TRIM55: variants seen among roughly 807,000 people sequenced by gnomAD.
TRIM55 encodes tripartite motif containing 55.
TRIM55 carries 50 observed loss-of-function variants against 60.9 expected under a neutral mutation model. The ratio of observed to expected loss-of-function variants is 0.82; its 90% CI spans 0.65 to 1.04. The LOEUF is 1.04. TRIM55 is among the 50% of genes least tolerant of loss of function. TRIM55 has a pLI of 0.00. For synonymous variants in TRIM55, 237 were observed against 238.1 expected (o/e 1.00, Z 0.04); for missense variants, 681 against 666.9 (o/e 1.02, Z -0.23).
chr8:66,164,276 G>T (rs1291573033), intron 9 of TRIM55, among the ~76,000 whole-genome samples: 1 of 152,188 alleles, frequency 6.6e-6, no homozygotes, highest in Non-Finnish European at 1.5e-5. Context: ...GCACAACAAA[G>T]ACTGGGACGG....
At chr8:66,150,025 A>G (rs1295130032) in intron 5 of TRIM55, 147 bp downstream of exon 5, 7 of 925,194 alleles carry the variant, frequency 7.6e-6, no homozygotes, top group Admixed American at 2.8e-5. Context: ...ATATTAATCT[A>G]TTTAAACAAC....
At chr8:66,163,166 A>T (rs1420221787) in intron 9 of TRIM55, among the ~76,000 whole-genome samples, 1 of 152,162 alleles carries the variant, frequency 6.6e-6, no homozygotes, top group Non-Finnish European at 1.5e-5. Context: ...AAATAAGTCA[A>T]TGTAGTCTCC....
intron 9 of TRIM55, among the ~76,000 whole-genome samples, chr8:66,172,886 T>C (rs1811721733): frequency 6.6e-6 from 1 of 152,244 alleles, no homozygotes. Flanking sequence ...AGTCTTTTTA[T>C]ATATGCCCAG....
At chr8:66,149,621 A>G in intron 4 of TRIM55, 24 bp from the exon 5 acceptor site, 1 of 1,563,466 alleles carries the variant, frequency 6.4e-7, no homozygotes, top group East Asian at 2.3e-5. Flanking sequence ...AATACTTTCT[A>G]ACATTAGCTA....
At chr8:66,155,173 C>T (rs1427357612) in intron 9 of TRIM55, among the ~76,000 whole-genome samples, 3 of 152,190 alleles carry the variant, frequency 2.0e-5, no homozygotes, top group Middle Eastern at 3.2e-3. Flanking sequence ...GCTCCTGGGT[C>T]ATCAGGTGAT....
At position 66,127,257 on chromosome 8, in the gene TRIM55, G is replaced by A; in HGVS notation, c.-12G>A. ...ACCCTTCCCTGGCAGCACACTTGGGGACAGCGAGGAGATGAGCGCATCTCT... is the reference window on the plus strand; with the variant it reads ...ACCCTTCCCTGGCAGCACACTTGGGAACAGCGAGGAGATGAGCGCATCTCT... On this transcript the variant is annotated 5_prime_UTR_variant, in exon 1 of 10. Coordinates refer to ENST00000315962, the MANE Select transcript of TRIM55 (RefSeq NM_184085.2). The A allele has an allele frequency of 1.9e-6, 3 of 1,611,516 alleles. No individual in the cohort carries two copies. Among genetic ancestry groups the A allele is most frequent in the Non-Finnish European group, 2.5e-6 (3 of 1,178,302 alleles).
At chr8:66,162,094 C>G (rs920672094) in intron 9 of TRIM55, among the ~76,000 whole-genome samples, 3 of 150,842 alleles carry the variant, frequency 2.0e-5, no homozygotes, top group African/African-American at 7.5e-5. Flanking sequence ...TTGTCTTGTT[C>G]TTGTTCTCAG....
chr8:66,148,226 A>C (rs572954239), intron 4 of TRIM55, among the ~76,000 whole-genome samples: 2 of 152,300 alleles, frequency 1.3e-5, no homozygotes, highest in Admixed American at 6.5e-5. Flanking sequence ...GATGAACTGG[A>C]TAATTAATTA....
chr8:66,152,825 T>G (rs1810516005), intron 8 of TRIM55, among the ~76,000 whole-genome samples, 198 bp downstream of exon 8: 1 of 152,180 alleles, frequency 6.6e-6, no homozygotes, highest in Non-Finnish European at 1.5e-5. Context: ...TTCTTTGTTG[T>G]TATTGTTAGT....
At chr8:66,155,675 G>T in intron 9 of TRIM55, 6 of 1,613,070 alleles carry the variant, frequency 3.7e-6, no homozygotes, top group Non-Finnish European at 4.2e-6. Context: ...CACTACATCT[G>T]GAGTCAGATT....
rs763265013 is a variant in TRIM55, at chr8:66,149,816, T to A, written c.775T>A (p.Ser259Thr). The change falls in exon 5 of 10, where the codon TCA (serine) becomes ACA (threonine). Residue 259 changes from serine to threonine, a missense_variant. Coordinates refer to ENST00000315962, the MANE Select transcript of TRIM55 (RefSeq NM_184085.2). The part of the protein sequence containing the change: ...KKYSDHLENV[S>T]KLVESGIQFM... ...GTATTCTGATCATTTGGAGAACGTC[T>A]CAAAGTTGGTTGAGTCAGGAATTCA... The A allele has an allele frequency of 1.9e-6, 3 of 1,614,204 alleles. No homozygotes were observed.
At chr8:66,166,602 T>C (rs1811342536) in intron 9 of TRIM55, among the ~76,000 whole-genome samples, 1 of 152,216 alleles carries the variant, frequency 6.6e-6, no homozygotes, top group Non-Finnish European at 1.5e-5. Flanking sequence ...TGTGTGCCCA[T>C]TGCTTTATCA....
At chr8:66,161,755 G>GTTTT (rs34655404) in intron 9 of TRIM55, among the ~76,000 whole-genome samples, 13 of 132,134 alleles carry the variant, frequency 9.8e-5, no homozygotes, top group African/African-American at 2.9e-4. Context: ...TATTCCTAAG[G>GTTTT]TTTTTTTTTT....
chr8:66,164,024 G>C (rs76016315), intron 9 of TRIM55, among the ~76,000 whole-genome samples: 1 of 150,278 alleles, frequency 6.7e-6, no homozygotes, highest in South Asian at 2.1e-4. Context: ...TTTTTTTAAA[G>C]CAAAACTTGT....
At chr8:66,116,010 C>T in the TRIM55 span, among the ~76,000 whole-genome samples, 23 of 152,230 alleles carry the variant, frequency 1.5e-4, no homozygotes, top group African/African-American at 5.5e-4. Context: ...GCAAGCATAG[C>T]ATCATACAGC....
chr8:66,172,842 T>A (rs1284415392), intron 9 of TRIM55, among the ~76,000 whole-genome samples: 1 of 152,240 alleles, frequency 6.6e-6, no homozygotes, highest in Non-Finnish European at 1.5e-5. Flanking sequence ...CCAGGCGGAA[T>A]TCGCTATTTG....
intron 9 of TRIM55, among the ~76,000 whole-genome samples, chr8:66,170,961 C>A (rs1811592716): frequency 6.6e-6 from 1 of 152,200 alleles, no homozygotes; most frequent in South Asian, 2.1e-4. Context: ...GCCTTGTAGA[C>A]ATCTGTCTCT....
intron 4 of TRIM55, among the ~76,000 whole-genome samples, chr8:66,145,063 T>A (rs1478462442): frequency 6.6e-6 from 1 of 152,158 alleles, no homozygotes; most frequent in Non-Finnish European, 1.5e-5. Context: ...TGTTCCCTCA[T>A]CAGCTTAGAG....
At chr8:66,169,063 G>A (rs1811475521) in intron 9 of TRIM55, among the ~76,000 whole-genome samples, 1 of 152,076 alleles carries the variant, frequency 6.6e-6, no homozygotes, top group South Asian at 2.1e-4. Context: ...TGGAGGCCCT[G>A]GGAAACTTAG....
Sources: gnomAD v4.1 joint callset for allele counts (sites outside exome capture counted in the v4.1 genomes callset) on GRCh38, gnomAD v4.1.1 for gene constraint, MANE v1.5 for transcripts, NCBI Gene and HGNC (gene_info 2026-07-23, HGNC 2026-07-21) for gene names.